RAD52: variants seen among roughly 807,000 people sequenced by gnomAD.
RAD52 encodes DNA repair protein RAD52 homolog.
RAD52 carries 47 observed loss-of-function variants against 55.5 expected under a neutral mutation model. The observed-to-expected ratio is 0.85, with a 90% CI of 0.67 to 1.08. The LOEUF is 1.08. Among genes scored for constraint, RAD52 ranks in the 50% least tolerant of loss-of-function variants. RAD52 has a pLI of 0.00. For missense variants in RAD52, 468 were observed against 522.8 expected (o/e 0.90, Z 1.02); for synonymous variants, 184 against 198.9 (o/e 0.92, Z 0.63).
chr12:926,494 A>C (rs1957044065), intron 6 of RAD52, among the ~76,000 whole-genome samples: 1 of 151,978 alleles, frequency 6.6e-6, no homozygotes, highest in Non-Finnish European at 1.5e-5. Flanking sequence ...ACAGAGCAAG[A>C]CCCTGTCTCA....
intron 1 of RAD52, among the ~76,000 whole-genome samples, chr12:933,671 C>A (rs2154115202): frequency 6.6e-6 from 1 of 152,148 alleles, no homozygotes; most frequent in East Asian, 1.9e-4. Flanking sequence ...GAATATATTA[C>A]ATTTAGAACT....
At chr12:984,858 A>G (rs1959066194) in intron 1 of RAD52, among the ~76,000 whole-genome samples, 2 of 151,730 alleles carry the variant, frequency 1.3e-5, no homozygotes, top group African/African-American at 2.4e-5. Flanking sequence ...GTAGAGATGG[A>G]GTTTCACCGT....
chr12:971,520 T>C (rs1445734862), intron 1 of RAD52, among the ~76,000 whole-genome samples: 3 of 152,084 alleles, frequency 2.0e-5, no homozygotes, highest in Non-Finnish European at 4.4e-5. Flanking sequence ...GCCAAAAAGG[T>C]GAATAAACCT....
intron 1 of RAD52, among the ~76,000 whole-genome samples, chr12:940,327 G>A (rs945572997): frequency 2.0e-5 from 3 of 151,576 alleles, no homozygotes; most frequent in Non-Finnish European, 4.4e-5. Flanking sequence ...GGCCGGGCGC[G>A]GTGGCTCACG....
intron 1 of RAD52, among the ~76,000 whole-genome samples, chr12:978,641 A>C (rs1958967207): frequency 2.0e-5 from 3 of 152,084 alleles, no homozygotes; most frequent in Admixed American, 6.5e-5. Flanking sequence ...TCTCCACTAA[A>C]ATACAAAAGA....
At chr12:951,347 A>T (rs565370741), upstream of RAD52, among the ~76,000 whole-genome samples, 7 of 152,312 alleles carry the variant, frequency 4.6e-5, no homozygotes, top group South Asian at 1.4e-3. Flanking sequence ...CCTGGCCTCA[A>T]GCAATTCTCC....
intron 1 of RAD52, among the ~76,000 whole-genome samples, chr12:965,986 TTG>T (rs1958761385): frequency 6.6e-6 from 1 of 151,778 alleles, no homozygotes; most frequent in African/African-American, 2.4e-5. Flanking sequence ...GCCTGGCTGT[TTG>T]TTTTTTGAGT....
chr12:939,730 T>C (rs1303441365), intron 1 of RAD52, among the ~76,000 whole-genome samples: 3 of 152,182 alleles, frequency 2.0e-5, no homozygotes, highest in African/African-American at 7.2e-5. Context: ...CTCAGCTCTT[T>C]AAGGACAGCA....
chr12:988,031 A>G (rs2154122288), intron 1 of RAD52, among the ~76,000 whole-genome samples: 1 of 152,142 alleles, frequency 6.6e-6, no homozygotes, highest in Non-Finnish European at 1.5e-5. Context: ...GGGGTGCAGC[A>G]CCACCATCCT....
chr12:920,943 T>C (rs1956694111), intron 7 of RAD52, among the ~76,000 whole-genome samples: 1 of 152,154 alleles, frequency 6.6e-6, no homozygotes, highest in Non-Finnish European at 1.5e-5. Flanking sequence ...TCATATAAAG[T>C]ATCTTTTCAA....
At chr12:988,418 T>C (rs1386790639) in intron 1 of RAD52, among the ~76,000 whole-genome samples, 1 of 152,122 alleles carries the variant, frequency 6.6e-6, no homozygotes, top group Non-Finnish European at 1.5e-5. Flanking sequence ...CTAATAACAC[T>C]TAGTTGTCTG....
intron 6 of RAD52, 27 bp from the exon 7 acceptor site, chr12:925,552 A>G (rs1368501701): frequency 1.3e-6 from 2 of 1,556,898 alleles, no homozygotes; most frequent in Non-Finnish European, 1.8e-6. Flanking sequence ...AAAAGGTGAA[A>G]CAGGGTTAAG....
At chr12:960,398 C>T (rs542387713) in intron 1 of RAD52, among the ~76,000 whole-genome samples, 5 of 152,232 alleles carry the variant, frequency 3.3e-5, no homozygotes, top group African/African-American at 1.2e-4. Context: ...CTTGAGTAAC[C>T]GAGTAAATGT....
chr12:919,619 T>C (rs1421060279), intron 7 of RAD52, among the ~76,000 whole-genome samples: 4 of 146,712 alleles, frequency 2.7e-5, no homozygotes, highest in South Asian at 2.2e-4. Context: ...GGTGTGGTGG[T>C]GGGCGCCTGT....
intron 1 of RAD52, chr12:949,349 G>GT (rs1418521369): frequency 6.6e-6 from 1 of 152,260 alleles, no homozygotes; most frequent in African/African-American, 2.4e-5. Flanking sequence ...CCGCACCGCG[G>GT]TGGGGTCCCG....
At chr12:924,933 T>G (rs1248173877) in intron 7 of RAD52, among the ~76,000 whole-genome samples, 1 of 148,744 alleles carries the variant, frequency 6.7e-6, no homozygotes, top group Non-Finnish European at 1.5e-5. Context: ...CTCACATTCT[T>G]GTCAAATGGT....
At chr12:951,477 TTAGAA>T (rs749943968), upstream of RAD52, among the ~76,000 whole-genome samples, 3 of 152,190 alleles carry the variant, frequency 2.0e-5, no homozygotes, top group African/African-American at 4.8e-5. Context: ...CTTCACATAT[TTAGAA>T]TAGGATAGTA....
chr12:943,954 AC>A (rs1156583969), intron 1 of RAD52, among the ~76,000 whole-genome samples: 1 of 151,974 alleles, frequency 6.6e-6, no homozygotes, highest in African/African-American at 2.4e-5. Flanking sequence ...AGTTGCTCAC[AC>A]CTGTAATCCC....
chr12:966,385 G>A (rs1417290267), intron 1 of RAD52, among the ~76,000 whole-genome samples: 1 of 151,948 alleles, frequency 6.6e-6, no homozygotes, highest in African/African-American at 2.4e-5. Context: ...GGCCATCTTG[G>A]ACCCTGAGGT....
Sources: allele counts gnomAD v4.1 joint callset (sites outside exome capture counted in the v4.1 genomes callset), GRCh38; gene constraint gnomAD v4.1.1; transcripts MANE v1.5; gene names NCBI Gene and HGNC (gene_info 2026-07-23, HGNC 2026-07-21).